Variants in NRXN3 observed in about 807,000 individuals in gnomAD.
NRXN3 encodes neurexin III.
NRXN3 carries 32 observed loss-of-function variants against 137.6 expected under a neutral mutation model. The ratio of observed to expected loss-of-function variants is 0.23; its 90% CI spans 0.18 to 0.31. NRXN3 has a LOEUF of 0.31. Ranked by LOEUF, NRXN3 falls within the 10% of genes least tolerant of loss-of-function variation. The pLI, the probability that NRXN3 is intolerant of heterozygous loss-of-function variation, is 1.00. For missense variants in NRXN3, 1,574 were observed against 2,062.5 expected (o/e 0.76, Z 4.59); for synonymous variants, 798 against 784.5 (o/e 1.02, Z -0.29).
intron 3 of NRXN3, among the ~76,000 whole-genome samples, chr14:78,296,060 C>CTT (rs1204627546): frequency 2.3e-4 from 30 of 130,200 alleles, no homozygotes; most frequent in South Asian, 7.5e-4. Context: ...CTCTCTCTGT[C>CTT]TTTTTTTTTT....
intron 15 of NRXN3, among the ~76,000 whole-genome samples, chr14:79,431,315 C>T (rs928204811): frequency 4.6e-5 from 7 of 152,084 alleles, no homozygotes; most frequent in African/African-American, 1.7e-4. Context: ...AGAGACTTGA[C>T]CTATATGACT....
chr14:78,855,700 T>G (rs1336155724), intron 10 of NRXN3, among the ~76,000 whole-genome samples: 2 of 152,206 alleles, frequency 1.3e-5, no homozygotes, highest in Non-Finnish European at 2.9e-5. Context: ...TGACAGTATT[T>G]TTCAAATTTA....
At chr14:78,542,061 A>T (rs1752673057) in intron 4 of NRXN3, among the ~76,000 whole-genome samples, 1 of 152,216 alleles carries the variant, frequency 6.6e-6, no homozygotes, top group African/African-American at 2.4e-5. Flanking sequence ...CCAGAGGGGC[A>T]GCTGCCTATA....
At chr14:78,979,020 C>T (rs2099480806) in intron 14 of NRXN3, among the ~76,000 whole-genome samples, 1 of 151,902 alleles carries the variant, frequency 6.6e-6, no homozygotes. Flanking sequence ...ATGGCTATCT[C>T]ACCTCAAGCA....
chr14:78,295,945 C>T (rs979565622), intron 3 of NRXN3, among the ~76,000 whole-genome samples: 7 of 152,090 alleles, frequency 4.6e-5, no homozygotes, highest in Admixed American at 3.3e-4. Context: ...AGCTGCCAAA[C>T]ATCTTTAATC....
intron 15 of NRXN3, among the ~76,000 whole-genome samples, chr14:79,147,742 C>A (rs937134801): frequency 6.6e-6 from 1 of 151,922 alleles, no homozygotes; most frequent in African/African-American, 2.4e-5. Flanking sequence ...TTTGAAGTGA[C>A]CAGGGATGGA....
rs2098919692 is a variant in NRXN3, at chr14:79,730,910, T to G, written c.4014+32973T>G. ...CATCTCCCTGTAAAGGAAAGCCAGTTTCCTCCACTGTAAAATGAGTCTTAG... is the reference window on the plus strand; with the variant it reads ...CATCTCCCTGTAAAGGAAAGCCAGTGTCCTCCACTGTAAAATGAGTCTTAG... On this transcript the variant is annotated intron_variant, in intron 19 of 20. Transcript: ENST00000335750. 2.0e-5 allele frequency among the ~76,000 whole-genome samples: 3 copies of G among 152,182 alleles called. No homozygotes were observed. The South Asian group carries it at 6.2e-4, about 32-fold the overall frequency.
At chr14:79,335,112 G>A (rs2153344184) in intron 15 of NRXN3, among the ~76,000 whole-genome samples, 1 of 152,226 alleles carries the variant, frequency 6.6e-6, no homozygotes, top group East Asian at 1.9e-4. Flanking sequence ...TGACACACAG[G>A]CTCTGCTCTC....
At chr14:79,206,585 A>G (rs2066825083) in intron 15 of NRXN3, among the ~76,000 whole-genome samples, 1 of 152,190 alleles carries the variant, frequency 6.6e-6, no homozygotes, top group Non-Finnish European at 1.5e-5. Flanking sequence ...CATGCTCTAG[A>G]AATGTTAACT....
Position 78,709,212 on chromosome 14 carries a change from G to C in NRXN3, c.1222-5G>C, listed in dbSNP as rs370352230. ...CACATGGCACTTTTGTTTGGCTTTT[G>C]ACAGGTTGTTTATAAGAATAATGAC... On this transcript the variant is annotated splice_region_variant and splice_polypyrimidine_tract_variant and intron_variant, in intron 6 of 20. Transcript: ENST00000335750. 259 of 1,605,988 alleles carry C rather than the reference G, an allele frequency of 1.6e-4. No individual in the cohort carries two copies. Among genetic ancestry groups the C allele is most frequent in the Non-Finnish European group, 2.1e-4 (251 of 1,175,786 alleles).
At chr14:79,280,045 C>A in intron 15 of NRXN3, 1 of 1,325,030 alleles carries the variant, frequency 7.5e-7, no homozygotes, top group Non-Finnish European at 9.6e-7. Context: ...CTGGGAGGAC[C>A]CTGGCATTCT....
rs118118659 is a variant in NRXN3 at position 79,621,664 on chromosome 14, T to C, written c.3445-42114T>C. Reference sequence around the variant, plus strand: ...GAACTCTTGCTTACTTTCTCCACCATGGGTAAATCAGAATGGCTTTGAACA... The same window carrying C: ...GAACTCTTGCTTACTTTCTCCACCACGGGTAAATCAGAATGGCTTTGAACA... On this transcript the variant is annotated intron_variant, in intron 16 of 20. Coordinates refer to ENST00000335750, the MANE Select transcript of NRXN3 (RefSeq NM_001330195.2). Among the ~76,000 whole-genome samples the C allele has an allele frequency of 2.5e-3, 376 of 152,322 alleles. 9 individuals are homozygous for C. The South Asian group carries it at 0.044, about 18-fold the overall frequency.
intron 15 of NRXN3, among the ~76,000 whole-genome samples, chr14:79,377,465 G>T (rs941236357): frequency 1.3e-5 from 2 of 152,110 alleles, no homozygotes; most frequent in Non-Finnish European, 2.9e-5. Context: ...ATTAAAAGAA[G>T]TATGTCGGCT....
intron 4 of NRXN3, among the ~76,000 whole-genome samples, chr14:78,332,680 G>C (rs1198819841): frequency 6.6e-6 from 1 of 152,160 alleles, no homozygotes; most frequent in Non-Finnish European, 1.5e-5. Flanking sequence ...AAGGCTTTAA[G>C]TGTCATCTAA....
chr14:79,358,658 A>AAAGAAAG (rs2093567250), intron 15 of NRXN3, among the ~76,000 whole-genome samples: 1 of 150,484 alleles, frequency 6.6e-6, no homozygotes, highest in Non-Finnish European at 1.5e-5. Context: ...AGAAAGAAAG[A>AAAGAAAG]AAGAAAGAAA....
At position 78,937,263 on chromosome 14, in the gene NRXN3, A is replaced by G. The variant is rs191834337; in HGVS notation, c.2276-19979A>G. On this transcript the variant is annotated intron_variant, in intron 10 of 20. Coordinates refer to ENST00000335750, the MANE Select transcript of NRXN3 (RefSeq NM_001330195.2). ...CTAGTCTCTCTGATCTCCATTTAAC[A>G]TGTTCAGTCTACAAGTATTTTGGTG... Among the ~76,000 whole-genome samples the G allele has an allele frequency of 1.6e-3, 246 of 152,180 alleles. 3 individuals carry two copies. Among genetic ancestry groups the G allele is most frequent in the South Asian group, 9.1e-3 (44 of 4,814 alleles).
intron 4 of NRXN3, among the ~76,000 whole-genome samples, chr14:78,544,303 C>T (rs1199136812): frequency 6.6e-6 from 1 of 152,182 alleles, no homozygotes; most frequent in Non-Finnish European, 1.5e-5. Context: ...TCACTGAGAC[C>T]ATGGTAATCT....
intron 15 of NRXN3, chr14:79,279,503 C>A (rs2080895380): frequency 1.2e-5 from 12 of 986,242 alleles, no homozygotes; most frequent in Middle Eastern, 5.1e-4. Flanking sequence ...CACCCACCTC[C>A]CTCCACCCCG....
intron 15 of NRXN3, among the ~76,000 whole-genome samples, chr14:79,132,599 G>A (rs1172358905): frequency 6.6e-6 from 1 of 152,254 alleles, no homozygotes; most frequent in Admixed American, 6.5e-5. Context: ...CTCTTGGACT[G>A]TGTTGGCCTA....
Sources: allele counts gnomAD v4.1 joint callset (sites outside exome capture counted in the v4.1 genomes callset), GRCh38; gene constraint gnomAD v4.1.1; transcripts MANE v1.5; gene names NCBI Gene and HGNC (gene_info 2026-07-23, HGNC 2026-07-21).